The following SDC1 variants were observed in gnomAD, a reference collection of about 807,000 sequenced individuals.
SDC1 encodes the protein syndecan-1.
Under a neutral mutation model 29.7 loss-of-function variants are expected in SDC1, and 14 were observed. That is an observed-to-expected ratio of 0.47 (90% CI 0.31 to 0.74). The LOEUF is 0.74. Ranked by LOEUF, SDC1 falls within the 30% of genes least tolerant of loss-of-function variation. SDC1 has a pLI of 0.05. For missense variants in SDC1, 406 were observed against 400.3 expected (o/e 1.01, Z -0.12); for synonymous variants, 204 against 175.5 (o/e 1.16, Z -1.29).
intron 1 of SDC1, among the ~76,000 whole-genome samples, chr2:20,215,799 G>A (rs368679458): frequency 3.3e-5 from 5 of 152,238 alleles, no homozygotes; most frequent in African/African-American, 9.6e-5. Context: ...AGGTGGGCTA[G>A]ACTCCGTGTC....
chr2:20,209,989 A>G (rs536679231), intron 1 of SDC1, among the ~76,000 whole-genome samples: 19 of 152,326 alleles, frequency 1.2e-4, no homozygotes, highest in African/African-American at 4.6e-4. Context: ...CGCACCCTGA[A>G]TCACTGACAT....
intron 1 of SDC1, chr2:20,207,311 G>T (rs2148285135): frequency 1.9e-6 from 1 of 539,092 alleles, no homozygotes; most frequent in Admixed American, 6.3e-5. Context: ...CCAAGAGAAA[G>T]GTTTTGACCC....
chr2:20,219,399 G>A (rs984235443), intron 1 of SDC1, among the ~76,000 whole-genome samples: 7 of 152,216 alleles, frequency 4.6e-5, no homozygotes, highest in Admixed American at 3.9e-4. Flanking sequence ...TCCAGGGGAA[G>A]CGATGGCGTG....
chr2:20,215,749 G>A (rs1044532105), intron 1 of SDC1, among the ~76,000 whole-genome samples: 24 of 152,248 alleles, frequency 1.6e-4, no homozygotes, highest in African/African-American at 5.8e-4. Flanking sequence ...TCGTGCTCAC[G>A]ATGACACAGG....
At chr2:20,212,486 C>T (rs1346069788) in intron 1 of SDC1, among the ~76,000 whole-genome samples, 1 of 152,208 alleles carries the variant, frequency 6.6e-6, no homozygotes, top group African/African-American at 2.4e-5. Flanking sequence ...GCCGGGAAAA[C>T]ACAGCCCGCC....
At chr2:20,207,903 G>T (rs1391865704) in intron 1 of SDC1, 24 of 972,200 alleles carry the variant, frequency 2.5e-5, no homozygotes, top group Non-Finnish European at 2.4e-5. Context: ...GGATCACAGA[G>T]TGGGCACCCC....
rs1804487 is a variant in SDC1, at chr2:20,201,986, G to A, written c.*780C>T. ...AGCCTGCCAACAGACCACCAGAAACGGGGCCACCAGACAGATAGTCCATAC... is the reference window on the plus strand; with the variant it reads ...AGCCTGCCAACAGACCACCAGAAACAGGGCCACCAGACAGATAGTCCATAC... On this transcript the variant is annotated 3_prime_UTR_variant, in exon 5 of 5. Coordinates refer to ENST00000254351, the MANE Select transcript of SDC1 (RefSeq NM_002997.5). The A allele has an allele frequency of 6.8e-4, 241 of 354,806 alleles. 1 individual carries two copies. Among genetic ancestry groups the A allele is most frequent in the African/African-American group, 4.8e-3 (226 of 46,708 alleles). The allele number at this position is 354,806 out of a possible 1,614,324, so 22.0% of individuals were successfully genotyped here. A position where few individuals can be genotyped will look rare whatever the true frequency, so the allele number is the denominator to read the frequency against.
At chr2:20,216,703 G>A (rs546682855) in intron 1 of SDC1, among the ~76,000 whole-genome samples, 27 of 152,264 alleles carry the variant, frequency 1.8e-4, no homozygotes, top group African/African-American at 6.5e-4. Context: ...GGAACAGCAG[G>A]GCCAGGGCCC....
At chr2:20,208,095 A>G (rs1031237312) in intron 1 of SDC1, 1 of 985,362 alleles carries the variant, frequency 1.0e-6, no homozygotes, top group African/African-American at 1.7e-5. Flanking sequence ...AGCAGAAGCT[A>G]GAACCATTGG....
At position 20,203,474 on chromosome 2, in the gene SDC1, C is replaced by T. The variant is rs115798740; in HGVS notation, c.628-252G>A. 9.6e-3 allele frequency among the ~76,000 whole-genome samples: 1,465 copies of T among 152,344 alleles called. 14 individuals carry two copies. Among genetic ancestry groups the T allele is most frequent in the African/African-American group, 0.033 (1,392 of 41,556 alleles). Reference sequence around the variant, plus strand: ...GCACACATTTTTGTATGGAAATAAGCAGACTTATTTTAGTGTAAAGCGTAA... The same window carrying T: ...GCACACATTTTTGTATGGAAATAAGTAGACTTATTTTAGTGTAAAGCGTAA... On this transcript the variant is annotated intron_variant, in intron 3 of 4. Transcript: ENST00000254351.
At chr2:20,213,186 AGC>A (rs1572468441) in intron 1 of SDC1, among the ~76,000 whole-genome samples, 1 of 152,216 alleles carries the variant, frequency 6.6e-6, no homozygotes, top group African/African-American at 2.4e-5. Flanking sequence ...CTGCCTCAGC[AGC>A]CCACATGCCA....
rs1677933969 is a variant in SDC1 at position 20,224,653 on chromosome 2, G to C, written c.66+149C>G. 2.0e-6 allele frequency: 2 copies of C among 982,002 alleles called. No individual in the cohort carries two copies. Among genetic ancestry groups the C allele is most frequent in the Non-Finnish European group, 2.6e-6 (2 of 774,230 alleles). 60.8% of individuals were successfully genotyped at this position (982,002 alleles called of 1,614,324 possible). On this transcript the variant is annotated intron_variant, in intron 1 of 4. Transcript: ENST00000254351. The surrounding 1 kb of genome is among the most constrained non-coding windows in gnomAD (Gnocchi z 4.9). The stretch of plus-strand genomic sequence containing the variant: ...AAATTGGGGCTGGAGCCCTGGTCTC[G>C]GGGCTCACCGTCCCGGGACCCGCTG...
intron 1 of SDC1, among the ~76,000 whole-genome samples, chr2:20,206,481 C>G (rs1273185706): frequency 6.6e-6 from 1 of 152,146 alleles, no homozygotes; most frequent in African/African-American, 2.4e-5. Context: ...TTCACACTGG[C>G]CCCAAGACCT....
At position 20,205,924 on chromosome 2, in the gene SDC1, C is replaced by T. The variant is rs1196964438; in HGVS notation, c.67-500G>A. On this transcript the variant is annotated intron_variant, in intron 1 of 4. Coordinates refer to ENST00000254351, the MANE Select transcript of SDC1 (RefSeq NM_002997.5). ...CAGGACAACCTGGGTGCAGAGGCAG[C>T]CTCCAGGCATGCTGGCCCCCAGGTG... Among the ~76,000 whole-genome samples the T allele has an allele frequency of 3.9e-5, 6 of 152,346 alleles. No individual in the cohort carries two copies. The East Asian group carries it at 9.6e-4, about 24-fold the overall frequency.
In SDC1 at chr2:20,224,906, G is replaced by C. The variant is rs1677943188; in HGVS notation, c.-39C>G. 2.5e-6 allele frequency: 3 copies of C among 1,207,924 alleles called. No homozygotes were observed. The South Asian group carries it at 1.2e-4, about 50-fold the overall frequency. 74.8% of individuals were successfully genotyped at this position (1,207,924 alleles called of 1,614,324 possible). On this transcript the variant is annotated 5_prime_UTR_variant, in exon 1 of 5. Transcript: ENST00000254351. The surrounding 1 kb of genome is among the most constrained non-coding windows in gnomAD (Gnocchi z 4.9). ...GCGGCGGGAGAGCGGCAGGCTGCGCGGGTCGCGGCTGCGGGCCGGCTTCGC... is the reference window on the plus strand; with the variant it reads ...GCGGCGGGAGAGCGGCAGGCTGCGCCGGTCGCGGCTGCGGGCCGGCTTCGC...
chr2:20,224,850 G>C lies in SDC1; in HGVS notation c.18C>G (p.Leu6=). The C allele has an allele frequency of 5.6e-6, 7 of 1,259,300 alleles. No individual in the cohort carries two copies. Among genetic ancestry groups the C allele is most frequent in the Non-Finnish European group, 7.0e-6 (7 of 1,003,834 alleles). The allele number at this position is 1,259,300 out of a possible 1,614,324, so 78.0% of individuals were successfully genotyped here. ...GCGCCAGCGCGCACAGCCAGAGCCAGAGCGCCGCGCGCCTCATGCTGCCCG... is the reference window on the plus strand; with the variant it reads ...GCGCCAGCGCGCACAGCCAGAGCCACAGCGCCGCGCGCCTCATGCTGCCCG... MRRAA[L]WLWLCALALS... The change falls in exon 1 of 5, where the codon CTC becomes CTG. Residue 6 remains leucine, a synonymous_variant. Coordinates refer to ENST00000254351, the MANE Select transcript of SDC1 (RefSeq NM_002997.5). The surrounding 1 kb of genome is among the most constrained non-coding windows in gnomAD (Gnocchi z 4.9).
At chr2:20,209,041 G>C (rs1677377941) in intron 1 of SDC1, among the ~76,000 whole-genome samples, 1 of 152,180 alleles carries the variant, frequency 6.6e-6, no homozygotes, top group African/African-American at 2.4e-5. Context: ...CTGGAGTCTG[G>C]GGACAGGGAG....
chr2:20,213,996 AG>A (rs1677554738), intron 1 of SDC1, among the ~76,000 whole-genome samples: 1 of 152,178 alleles, frequency 6.6e-6, no homozygotes, highest in Non-Finnish European at 1.5e-5. Flanking sequence ...GGAAGGCTAA[AG>A]GGTACCAGCA....
At position 20,207,053 on chromosome 2, in the gene SDC1, C is replaced by G. The variant is rs1677296112; in HGVS notation, c.67-1629G>C. Among the ~76,000 whole-genome samples the G allele has an allele frequency of 2.0e-5, 3 of 152,384 alleles. No homozygotes were observed. In the South Asian group the frequency reaches 6.2e-4, roughly 32 times the overall value. On this transcript the variant is annotated intron_variant, in intron 1 of 4. Coordinates refer to ENST00000254351, the MANE Select transcript of SDC1 (RefSeq NM_002997.5). The stretch of plus-strand genomic sequence containing the variant: ...TCCAAAGGAAAAGGGCCTCCTCAGC[C>G]CAAGAGGCCTTGCCAGGCCCTGGCC...
Sources: allele counts gnomAD v4.1 joint callset (sites outside exome capture counted in the v4.1 genomes callset), GRCh38; gene constraint gnomAD v4.1.1; non-coding constraint Gnocchi (gnomAD v3.1); transcripts MANE v1.5; gene names NCBI Gene and HGNC (gene_info 2026-07-23, HGNC 2026-07-21).